The following VPS50 variants were observed in gnomAD, a reference collection of about 807,000 sequenced individuals.
VPS50 encodes syndetin.
In VPS50, 70 loss-of-function variants were observed where a neutral mutation model predicts 139.7. The ratio of observed to expected loss-of-function variants is 0.50; its 90% CI spans 0.41 to 0.61. The LOEUF (loss-of-function observed/expected upper bound fraction) is 0.61. Among genes scored for constraint, VPS50 ranks in the 20% least tolerant of loss-of-function variants. The pLI, the probability that VPS50 is intolerant of heterozygous loss-of-function variation, is 0.00. For missense variants in VPS50, 921 were observed against 1,133.7 expected, an observed-to-expected ratio of 0.81 and a Z score of 2.69; for synonymous variants, 365 against 376.7, an observed-to-expected ratio of 0.97 and a Z score of 0.36.
intron 14 of VPS50, among the ~76,000 whole-genome samples, chr7:93,296,052 G>A (rs1796801038): frequency 6.6e-6 from 1 of 151,876 alleles, no homozygotes; most frequent in Non-Finnish European, 1.5e-5. Context: ...GATATGTTTT[G>A]AAAAAAATTG....
intron 20 of VPS50, among the ~76,000 whole-genome samples, chr7:93,312,887 T>C (rs1797312458): frequency 6.6e-6 from 1 of 152,186 alleles, no homozygotes. Flanking sequence ...CTCCTTAGCC[T>C]TCTAGACTCA....
At chr7:93,355,313 T>C (rs574890690) in intron 26 of VPS50, among the ~76,000 whole-genome samples, 2 of 152,144 alleles carry the variant, frequency 1.3e-5, no homozygotes, top group Non-Finnish European at 2.9e-5. Context: ...TCTTTATTAC[T>C]TAGTCCACCT....
chr7:93,336,486 ATTGT>A (rs1798073326), intron 22 of VPS50, among the ~76,000 whole-genome samples: 1 of 152,210 alleles, frequency 6.6e-6, no homozygotes, highest in South Asian at 2.1e-4. Flanking sequence ...TGCTAACTAA[ATTGT>A]TTGCTTTAAG....
In VPS50 at chr7:93,358,633, G is replaced by T. The variant is rs1457735770; in HGVS notation, c.*197G>T. 3 of 477,872 alleles carry T rather than the reference G, an allele frequency of 6.3e-6. No individual in the cohort carries two copies. The highest frequency in any genetic ancestry group is 6.6e-5 in the Admixed American group (2 of 30,278). The allele number at this position is 477,872 out of a possible 1,614,324, so 29.6% of individuals were successfully genotyped here. On this transcript the variant is annotated 3_prime_UTR_variant, in exon 28 of 28. Coordinates refer to ENST00000305866, the MANE Select transcript of VPS50 (RefSeq NM_017667.4). ...TATGCTGTGGTCTCTTCAACTTTTG[G>T]TCTCATTTGTTGTAATCTGAAATGA...
At chr7:93,354,149 C>G (rs369780762) in intron 26 of VPS50, among the ~76,000 whole-genome samples, 1 of 152,122 alleles carries the variant, frequency 6.6e-6, no homozygotes, top group African/African-American at 2.4e-5. Context: ...GAAATAAACT[C>G]TCTTTGGTAG....
chr7:93,349,939 A>T lies in VPS50; in HGVS notation c.2369A>T (p.Asp790Val). The T allele has an allele frequency of 6.2e-7, 1 of 1,613,418 alleles. No homozygotes were observed. The highest frequency in any genetic ancestry group is 1.3e-5 in the African/African-American group (1 of 75,034). The change falls in exon 25 of 28, where the codon GAT becomes GTT. Residue 790 changes from aspartate to valine, a missense_variant. By Grantham distance (152) the Asp-to-Val change is radical (BLOSUM62 -3). This residue lies in a region of VPS50 where 744 missense variants were observed against 930.6 expected (regional missense o/e 0.80). Coordinates refer to ENST00000305866, the MANE Select transcript of VPS50 (RefSeq NM_017667.4). ...IYWIVAGKAL[D>V]YEQMLLLMAN... Reference sequence around the variant, plus strand: ...TGGATTGTAGCTGGTAAAGCCCTTGATTATGAACAGATGCTGCTTCTCATG... The same window carrying T: ...TGGATTGTAGCTGGTAAAGCCCTTGTTTATGAACAGATGCTGCTTCTCATG...
At chr7:93,255,432 G>A (rs1347715194) in intron 4 of VPS50, among the ~76,000 whole-genome samples, 2 of 152,126 alleles carry the variant, frequency 1.3e-5, no homozygotes, top group Non-Finnish European at 2.9e-5. Flanking sequence ...CAAGTGATGG[G>A]GAGCGGCTGT....
At position 93,360,056 on chromosome 7, in the gene VPS50, A is replaced by C. The variant is rs1798801756; in HGVS notation, c.*1620A>C. The C allele has an allele frequency of 6.6e-6, 1 of 152,156 alleles. No homozygotes were observed. Among genetic ancestry groups the C allele is most frequent in the African/African-American group, 2.4e-5 (1 of 41,436 alleles). 9.4% of individuals were successfully genotyped at this position (152,156 alleles called of 1,614,324 possible). On this transcript the variant is annotated 3_prime_UTR_variant, in exon 28 of 28. Transcript: ENST00000305866. The stretch of plus-strand genomic sequence containing the variant: ...CAGCCACTTGAAGAAAACAAACATG[A>C]GATAAGCTTGGTCCTTGAGTTTAAA...
chr7:93,349,530 A>G (rs1038971030), intron 24 of VPS50, among the ~76,000 whole-genome samples: 2 of 152,144 alleles, frequency 1.3e-5, no homozygotes, highest in Admixed American at 1.3e-4. Flanking sequence ...CTGCTGCAGT[A>G]TTGCAGGGGA....
Position 93,349,872 on chromosome 7 carries a change from C to T in VPS50, c.2305-3C>T. On this transcript the variant is annotated splice_region_variant and splice_polypyrimidine_tract_variant and intron_variant, in intron 24 of 27. Coordinates refer to ENST00000305866, the MANE Select transcript of VPS50 (RefSeq NM_017667.4). ...GTTTTCATTTTTGTGAAATTTATTT[C>T]AGACAGTCTCAACCGCCAGTGAACT... The T allele has an allele frequency of 6.3e-7, 1 of 1,598,462 alleles. No homozygotes were observed.
chr7:93,273,024 G>C, intron 11 of VPS50: 1 of 172,974 alleles, frequency 5.8e-6, no homozygotes, highest in Non-Finnish European at 1.2e-5. Flanking sequence ...AATTCAGTGG[G>C]AGACAACATG....
chr7:93,283,199 T>G (rs1183253932), intron 12 of VPS50, among the ~76,000 whole-genome samples: 1 of 151,990 alleles, frequency 6.6e-6, no homozygotes, highest in Non-Finnish European at 1.5e-5. Flanking sequence ...ACCAGTTCAC[T>G]TGTCATTACT....
At chr7:93,338,302 G>A (rs1798119400) in intron 22 of VPS50, among the ~76,000 whole-genome samples, 1 of 152,114 alleles carries the variant, frequency 6.6e-6, no homozygotes, top group Non-Finnish European at 1.5e-5. Flanking sequence ...GAGTGGAGGA[G>A]GCAGTTAAGG....
At position 93,262,479 on chromosome 7, in the gene VPS50, A is replaced by T. The variant is rs140607107; in HGVS notation, c.659+2847A>T. On this transcript the variant is annotated intron_variant, in intron 9 of 27. Coordinates refer to ENST00000305866, the MANE Select transcript of VPS50 (RefSeq NM_017667.4). Reference sequence around the variant, plus strand: ...ATTTAAATTAATAGTTATTTTAGGTAATACAGTGTATAAGAAGCATGCTAT... The same window carrying T: ...ATTTAAATTAATAGTTATTTTAGGTTATACAGTGTATAAGAAGCATGCTAT... Among the ~76,000 whole-genome samples the T allele has an allele frequency of 2.2e-4, 33 of 152,336 alleles. No homozygotes were observed. The East Asian group carries it at 6.2e-3, about 28-fold the overall frequency.
rs1053115646 is a variant in VPS50 at position 93,291,602 on chromosome 7, T to C, written c.943-101T>C. The C allele has an allele frequency of 4.6e-6, 3 of 653,582 alleles. No individual in the cohort carries two copies. The Admixed American group carries it at 1.1e-4, about 24-fold the overall frequency. 40.5% of individuals were successfully genotyped at this position (653,582 alleles called of 1,614,324 possible). A position where few individuals can be genotyped will look rare whatever the true frequency, so the allele number is the denominator to read the frequency against. On this transcript the variant is annotated intron_variant, in intron 12 of 27. Coordinates refer to ENST00000305866, the MANE Select transcript of VPS50 (RefSeq NM_017667.4). ...ATGTCAGTTGAAGAAATTTTCTTGGTTATTTCTAATTTTTGAATATATTTG... is the reference window on the plus strand; with the variant it reads ...ATGTCAGTTGAAGAAATTTTCTTGGCTATTTCTAATTTTTGAATATATTTG...
At chr7:93,237,297 T>G (rs1281316068) in intron 1 of VPS50, among the ~76,000 whole-genome samples, 1 of 152,128 alleles carries the variant, frequency 6.6e-6, no homozygotes, top group East Asian at 1.9e-4. Context: ...TCATAGAATA[T>G]AATGCACAGA....
chr7:93,281,924 G>T (rs1796339012), intron 12 of VPS50, among the ~76,000 whole-genome samples: 1 of 152,134 alleles, frequency 6.6e-6, no homozygotes, highest in Non-Finnish European at 1.5e-5. Context: ...AATTTTTCCG[G>T]CTGGGCGCGG....
chr7:93,311,081 A>G (rs929768338), intron 19 of VPS50, 85 bp from the exon 20 acceptor site: 170 of 727,470 alleles, frequency 2.3e-4, no homozygotes, highest in Non-Finnish European at 1.7e-4. Flanking sequence ...ATAATTAGTT[A>G]ATAAAGGCTA....
At chr7:93,265,857 G>A (rs925571384) in intron 9 of VPS50, among the ~76,000 whole-genome samples, 6 of 152,192 alleles carry the variant, frequency 3.9e-5, no homozygotes, top group African/African-American at 1.2e-4. Flanking sequence ...GTGAGCCACT[G>A]CGCCTGGGCA....
Sources: gnomAD v4.1 joint callset for allele counts (sites outside exome capture counted in the v4.1 genomes callset) on GRCh38, gnomAD v4.1.1 for gene constraint, gnomAD v4.1.1 regional missense constraint, MANE v1.5 for transcripts, NCBI Gene and HGNC (gene_info 2026-07-23, HGNC 2026-07-21) for gene names.